Variants in ADAM12 observed in about 807,000 individuals in gnomAD.
ADAM12 encodes the protein disintegrin and metalloproteinase domain-containing protein 12.
A neutral mutation model predicts 106.4 loss-of-function variants in ADAM12; 70 were observed. The ratio of observed to expected loss-of-function variants is 0.66; its 90% CI spans 0.54 to 0.80. The LOEUF (loss-of-function observed/expected upper bound fraction) is 0.80. Among genes scored for constraint, ADAM12 ranks in the 30% least tolerant of loss-of-function variants. The pLI is 0.00. For missense variants in ADAM12, 1,010 were observed against 1,171.9 expected (o/e 0.86, Z 2.02); for synonymous variants, 420 against 433.5 (o/e 0.97, Z 0.39).
chr10:126,091,985 T>G (rs1349241322), intron 11 of ADAM12, among the ~76,000 whole-genome samples: 1 of 152,104 alleles, frequency 6.6e-6, no homozygotes, highest in African/African-American at 2.4e-5. Flanking sequence ...ACTGACTCAC[T>G]CATCTTATTG....
intron 21 of ADAM12, among the ~76,000 whole-genome samples, chr10:126,029,615 T>C (rs1253595648): frequency 6.6e-6 from 1 of 152,202 alleles, no homozygotes; most frequent in East Asian, 1.9e-4. Context: ...CCCAGCTTAA[T>C]ACCTGGGTGA....
chr10:126,116,515 G>A (rs1286767606), intron 6 of ADAM12, among the ~76,000 whole-genome samples: 2 of 151,738 alleles, frequency 1.3e-5, no homozygotes, highest in Admixed American at 6.6e-5. Context: ...TAAGGGTAGA[G>A]GTTGGGGGGG....
intron 5 of ADAM12, 127 bp downstream of exon 5, chr10:126,135,457 G>A: frequency 1.2e-6 from 1 of 849,698 alleles, no homozygotes; most frequent in Non-Finnish European, 1.9e-6. Flanking sequence ...TCTTGCCTAG[G>A]TGGAGGTGTA....
chr10:126,096,723 T>C (rs1955565252), intron 10 of ADAM12, among the ~76,000 whole-genome samples: 1 of 152,246 alleles, frequency 6.6e-6, no homozygotes, highest in Non-Finnish European at 1.5e-5. Context: ...TTTGTAGAAA[T>C]CAAAGGTGCT....
At chr10:126,164,623 A>C (rs1160742700) in intron 3 of ADAM12, among the ~76,000 whole-genome samples, 1 of 152,242 alleles carries the variant, frequency 6.6e-6, no homozygotes, top group East Asian at 1.9e-4. Flanking sequence ...CCAAGTTACT[A>C]AAATGATATC....
At chr10:126,126,926 A>T (rs1472700260) in intron 5 of ADAM12, among the ~76,000 whole-genome samples, 2 of 152,152 alleles carry the variant, frequency 1.3e-5, no homozygotes, top group Admixed American at 1.3e-4. Context: ...AGGAGTTTAG[A>T]TTGAGACATC....
chr10:126,259,380 G>A (rs1306778079), intron 3 of ADAM12, among the ~76,000 whole-genome samples: 1 of 152,150 alleles, frequency 6.6e-6, no homozygotes, highest in African/African-American at 2.4e-5. Flanking sequence ...GTTATAATAC[G>A]TTTACAATAT....
At chr10:126,113,226 G>C (rs775548087) in intron 6 of ADAM12, among the ~76,000 whole-genome samples, 1 of 152,160 alleles carries the variant, frequency 6.6e-6, no homozygotes. Context: ...GCAACAGGCC[G>C]TATGGCTGGA....
At chr10:126,189,349 G>A (rs1303798584) in intron 3 of ADAM12, among the ~76,000 whole-genome samples, 1 of 152,168 alleles carries the variant, frequency 6.6e-6, no homozygotes, top group Non-Finnish European at 1.5e-5. Flanking sequence ...ACGGTGGGGA[G>A]TGTAGGAAGG....
At chr10:126,172,867 T>C (rs1274474003) in intron 3 of ADAM12, among the ~76,000 whole-genome samples, 1 of 152,132 alleles carries the variant, frequency 6.6e-6, no homozygotes, top group African/African-American at 2.4e-5. Flanking sequence ...CAAATGCCCA[T>C]CAATGATAGA....
At chr10:126,316,266 C>T (rs1006551840) in intron 2 of ADAM12, among the ~76,000 whole-genome samples, 9 of 152,042 alleles carry the variant, frequency 5.9e-5, no homozygotes, top group African/African-American at 1.9e-4. Flanking sequence ...TAGCACAGGG[C>T]CTGGCACATA....
Position 126,258,390 on chromosome 10 carries a change from C to A in ADAM12, c.260+20525G>T, listed in dbSNP as rs1327971997. 3.6e-5 allele frequency among the ~76,000 whole-genome samples: 3 copies of A among 82,800 alleles called. No homozygotes were observed. In the South Asian group the frequency reaches 1.8e-3, roughly 49 times the overall value. 54.3% of individuals were successfully genotyped at this position (82,800 alleles called of 152,430 possible). A position where few individuals can be genotyped will look rare whatever the true frequency, so the allele number is the denominator to read the frequency against. ...CTCACTCATCCCCACTGCCTCCGTG[C>A]CCCACACGCCCCACCCGTGCCCCAC... is the stretch of plus-strand genomic sequence containing the variant. On this transcript the variant is annotated intron_variant, in intron 3 of 22. Transcript: ENST00000448723.
chr10:126,299,697 G>T (rs907436625), intron 2 of ADAM12, among the ~76,000 whole-genome samples: 3 of 151,956 alleles, frequency 2.0e-5, no homozygotes, highest in Non-Finnish European at 4.4e-5. Context: ...AGGCTGGAGT[G>T]CAGTGGCGCA....
At position 126,388,305 on chromosome 10, in the gene ADAM12, C is replaced by T. The variant is rs1856754065; in HGVS notation, c.-160G>A. On this transcript the variant is annotated 5_prime_UTR_variant, in exon 1 of 23. Transcript: ENST00000448723. This position sits in a 1 kb window ranked among gnomAD's most constrained non-coding sequence, Gnocchi z 4.4. ...GCGCAGCGCCCGCGCCGCCGCTGAGCTCTTCTAGCCTTTCATTTTTAAAAA... is the reference window on the plus strand; with the variant it reads ...GCGCAGCGCCCGCGCCGCCGCTGAGTTCTTCTAGCCTTTCATTTTTAAAAA... The T allele has an allele frequency of 1.9e-6, 2 of 1,061,438 alleles. No homozygotes were observed. Among genetic ancestry groups the T allele is most frequent in the Non-Finnish European group, 2.4e-6 (2 of 847,256 alleles). The allele number at this position is 1,061,438 out of a possible 1,614,324, so 65.8% of individuals were successfully genotyped here. A position where few individuals can be genotyped will look rare whatever the true frequency, so the allele number is the denominator to read the frequency against.
intron 4 of ADAM12, among the ~76,000 whole-genome samples, chr10:126,150,993 C>A (rs1176728636): frequency 1.3e-5 from 2 of 152,160 alleles, no homozygotes; most frequent in Admixed American, 6.5e-5. Context: ...ATTTTGTACA[C>A]ATCTCCTATT....
In ADAM12 at chr10:126,046,226, A is replaced by C. The variant is rs1032947040; in HGVS notation, c.1918-94T>G. ...TGTATTCAAACAAAAAGCAAGCAAA[A>C]GAAAGCTTGGAGAAGACCCAACCTT... On this transcript the variant is annotated intron_variant, in intron 16 of 22. Transcript: ENST00000448723. The C allele has an allele frequency of 2.5e-6, 3 of 1,219,012 alleles. No homozygotes were observed. In the Middle Eastern group the frequency reaches 5.7e-4, roughly 230 times the overall value. 75.5% of individuals were successfully genotyped at this position (1,219,012 alleles called of 1,614,324 possible). A position where few individuals can be genotyped will look rare whatever the true frequency, so the allele number is the denominator to read the frequency against.
chr10:126,206,372 G>A (rs781121358), intron 3 of ADAM12, among the ~76,000 whole-genome samples: 1 of 152,166 alleles, frequency 6.6e-6, no homozygotes, highest in Non-Finnish European at 1.5e-5. Flanking sequence ...ACACTATCCT[G>A]CTTAGTCTAG....
intron 2 of ADAM12, among the ~76,000 whole-genome samples, chr10:126,282,608 ATATTT>A (rs1959638360): frequency 6.6e-6 from 1 of 152,060 alleles, no homozygotes; most frequent in Non-Finnish European, 1.5e-5. Flanking sequence ...ACTTAATCTT[ATATTT>A]GTTAGATTTA....
At chr10:126,376,488 T>G (rs1023084546) in intron 1 of ADAM12, among the ~76,000 whole-genome samples, 3 of 152,224 alleles carry the variant, frequency 2.0e-5, no homozygotes, top group Admixed American at 2.0e-4. Context: ...ATTAAAAAGT[T>G]AAAATCTTTT....
Sources: allele counts gnomAD v4.1 joint callset (sites outside exome capture counted in the v4.1 genomes callset), GRCh38; gene constraint gnomAD v4.1.1; non-coding constraint Gnocchi (gnomAD v3.1); transcripts MANE v1.5; gene names NCBI Gene and HGNC (gene_info 2026-07-23, HGNC 2026-07-21).